KANSL1L: variants seen among roughly 807,000 people sequenced by gnomAD.
KANSL1L encodes the protein KAT8 regulatory NSL complex subunit 1 like.
KANSL1L carries 25 observed loss-of-function variants against 108.6 expected under a neutral mutation model. The observed-to-expected ratio is 0.23, with a 90% confidence interval of 0.17 to 0.32. The LOEUF (loss-of-function observed/expected upper bound fraction) is 0.32. Among genes scored for constraint, KANSL1L ranks in the 10% least tolerant of loss-of-function variants. The pLI is 1.00. For synonymous variants in KANSL1L, 405 were observed against 395.1 expected (o/e 1.03, Z -0.30); for missense variants, 1,137 against 1,125.7 (o/e 1.01, Z -0.14).
chr2:210,158,882 C>A (rs552911034), intron 1 of KANSL1L, among the ~76,000 whole-genome samples: 1 of 152,192 alleles, frequency 6.6e-6, no homozygotes, highest in African/African-American at 2.4e-5. Flanking sequence ...AATCATTTTA[C>A]ATAACAATGT....
At chr2:210,157,756 A>G (rs2095341670) in intron 1 of KANSL1L, among the ~76,000 whole-genome samples, 1 of 150,956 alleles carries the variant, frequency 6.6e-6, no homozygotes, top group African/African-American at 2.4e-5. Context: ...TCATGCCTAT[A>G]ATCCCAGCAC....
At chr2:210,135,468 A>T (rs375132693) in intron 2 of KANSL1L, among the ~76,000 whole-genome samples, 39 of 152,294 alleles carry the variant, frequency 2.6e-4, no homozygotes, top group African/African-American at 9.4e-4. Flanking sequence ...CTTATTTCCC[A>T]GCCTTACTTG....
upstream of KANSL1L, chr2:210,171,916 C>A (rs1237203390): frequency 1.3e-5 from 2 of 151,688 alleles, no homozygotes; most frequent in East Asian, 3.9e-4. Flanking sequence ...CAAATGCGCT[C>A]ATAATTCTTT....
At chr2:210,147,230 C>T (rs2095272137) in intron 2 of KANSL1L, among the ~76,000 whole-genome samples, 1 of 152,146 alleles carries the variant, frequency 6.6e-6, no homozygotes, top group South Asian at 2.1e-4. Flanking sequence ...GAGGCCAAGG[C>T]AGGAAGATAG....
intron 10 of KANSL1L, 110 bp from the exon 11 acceptor site, chr2:210,029,079 AATAC>A (rs1439844519): frequency 1.3e-5 from 12 of 908,914 alleles, no homozygotes; most frequent in Admixed American, 1.2e-4. Flanking sequence ...AATTTTTGTA[AATAC>A]ATTGTTATAA....
intron 3 of KANSL1L, among the ~76,000 whole-genome samples, chr2:210,107,530 ATATAT>A (rs1218514516): frequency 6.9e-6 from 1 of 144,476 alleles, no homozygotes; most frequent in African/African-American, 2.6e-5. Flanking sequence ...ATATATATAT[ATATAT>A]TTTTTTTTTT....
intron 5 of KANSL1L, among the ~76,000 whole-genome samples, chr2:210,087,715 A>G (rs2094650785): frequency 6.6e-6 from 1 of 152,218 alleles, no homozygotes; most frequent in African/African-American, 2.4e-5. Context: ...GTCCAGGAAG[A>G]CAGATAATAA....
chr2:210,084,901 T>G lies in KANSL1L; in HGVS notation c.1551-9145A>C, dbSNP rs563852107. On this transcript the variant is annotated intron_variant, in intron 5 of 14. Coordinates refer to ENST00000281772, the MANE Select transcript of KANSL1L (RefSeq NM_152519.4). The stretch of plus-strand genomic sequence containing the variant: ...CTGGGATTACAGGCATAAGCCACCA[T>G]GCCCAGCCTTTTTTTTTCTCTTTTA... 2.0e-5 allele frequency among the ~76,000 whole-genome samples: 3 copies of G among 152,322 alleles called. No individual in the cohort carries two copies. In the East Asian group the frequency reaches 5.8e-4, roughly 29 times the overall value.
At chr2:210,118,888 AGCTGGGTGTGGTG>A (rs1358419944) in intron 3 of KANSL1L, among the ~76,000 whole-genome samples, 1 of 151,348 alleles carries the variant, frequency 6.6e-6, no homozygotes, top group Non-Finnish European at 1.5e-5. Context: ...AAAAGCCCAG[AGCTGGGTGTGGTG>A]GCTCATGCCT....
intron 6 of KANSL1L, among the ~76,000 whole-genome samples, chr2:210,061,379 C>T (rs1045832840): frequency 1.1e-4 from 17 of 152,072 alleles, no homozygotes; most frequent in Admixed American, 2.0e-4. Flanking sequence ...TTGTCTAAGG[C>T]TGAGACATCA....
chr2:210,145,741 C>A (rs1297806206), intron 2 of KANSL1L, among the ~76,000 whole-genome samples: 1 of 152,174 alleles, frequency 6.6e-6, no homozygotes, highest in Non-Finnish European at 1.5e-5. Flanking sequence ...AGTAGCAATG[C>A]AGCCAATGTT....
chr2:210,035,868 A>G (rs1055749355), intron 8 of KANSL1L, among the ~76,000 whole-genome samples: 1 of 152,212 alleles, frequency 6.6e-6, no homozygotes, highest in South Asian at 2.1e-4. Context: ...CTTGTTACTC[A>G]GTATGGGCCA....
At chr2:210,102,333 T>C (rs1379960531) in intron 4 of KANSL1L, among the ~76,000 whole-genome samples, 1 of 152,160 alleles carries the variant, frequency 6.6e-6, no homozygotes, top group East Asian at 1.9e-4. Flanking sequence ...GATTAAAGAC[T>C]TAAATATTAG....
At chr2:210,092,509 G>A (rs994577251) in intron 5 of KANSL1L, among the ~76,000 whole-genome samples, 1 of 152,096 alleles carries the variant, frequency 6.6e-6, no homozygotes, top group Non-Finnish European at 1.5e-5. Flanking sequence ...TTTTCCAAAT[G>A]TGCTTATGTA....
intron 2 of KANSL1L, among the ~76,000 whole-genome samples, chr2:210,132,968 AT>A (rs959423951): frequency 6.6e-6 from 1 of 151,864 alleles, no homozygotes; most frequent in Non-Finnish European, 1.5e-5. Context: ...ATAATTATTA[AT>A]TTTTCTTTTT....
At chr2:210,120,480 CA>C (rs1443506210) in intron 3 of KANSL1L, among the ~76,000 whole-genome samples, 2 of 152,138 alleles carry the variant, frequency 1.3e-5, no homozygotes, top group Admixed American at 1.3e-4. Flanking sequence ...CCTTACACCA[CA>C]TACAAAAATT....
intron 6 of KANSL1L, among the ~76,000 whole-genome samples, chr2:210,070,350 C>T (rs2094498574): frequency 6.7e-6 from 1 of 150,208 alleles, no homozygotes; most frequent in African/African-American, 2.5e-5. Context: ...CCTGCCTCAG[C>T]CCCCGAGTAG....
intron 4 of KANSL1L, among the ~76,000 whole-genome samples, chr2:210,102,550 T>C (rs1195216597): frequency 6.6e-6 from 1 of 151,782 alleles, no homozygotes; most frequent in East Asian, 1.9e-4. Flanking sequence ...TGGGAGAAAA[T>C]TTTTGCAATC....
chr2:210,065,314 A>T (rs962735262), intron 6 of KANSL1L, among the ~76,000 whole-genome samples: 1 of 145,864 alleles, frequency 6.9e-6, no homozygotes, highest in Non-Finnish European at 1.5e-5. Context: ...AAAAAAAAAA[A>T]AAGAATCTGT....
Sources: allele counts gnomAD v4.1 joint callset (sites outside exome capture counted in the v4.1 genomes callset), GRCh38; gene constraint gnomAD v4.1.1; transcripts MANE v1.5; gene names NCBI Gene and HGNC (gene_info 2026-07-23, HGNC 2026-07-21).